The following B3GLCT variants were observed in gnomAD, a reference collection of about 807,000 sequenced individuals.
B3GLCT encodes beta 3-glucosyltransferase.
In B3GLCT, 65 loss-of-function variants were observed where a neutral mutation model predicts 63.4. The observed-to-expected ratio is 1.03, with a 90% CI of 0.84 to 1.26. The LOEUF is 1.26. Among genes scored for constraint, B3GLCT ranks in the 50% most tolerant of loss-of-function variants. B3GLCT has a pLI of 0.00. For missense variants in B3GLCT, 577 were observed against 604.8 expected, an observed-to-expected ratio of 0.95 and a Z score of 0.48; for synonymous variants, 233 against 219.2, an observed-to-expected ratio of 1.06 and a Z score of -0.55.
intron 4 of B3GLCT, among the ~76,000 whole-genome samples, chr13:31,245,191 T>C (rs1871141585): frequency 6.6e-6 from 1 of 152,180 alleles, no homozygotes; most frequent in Non-Finnish European, 1.5e-5. Flanking sequence ...CAGAAATTAT[T>C]AATAAGCTTG....
chr13:31,320,528 A>G (rs1475957039), intron 13 of B3GLCT, among the ~76,000 whole-genome samples: 1 of 152,144 alleles, frequency 6.6e-6, no homozygotes, highest in Non-Finnish European at 1.5e-5. Context: ...CCTCTCTTCA[A>G]TTTCATAATT....
At chr13:31,226,293 C>T (rs1870099226) in intron 3 of B3GLCT, among the ~76,000 whole-genome samples, 1 of 151,788 alleles carries the variant, frequency 6.6e-6, no homozygotes, top group Non-Finnish European at 1.5e-5. Context: ...ATCACAGAGC[C>T]CTACACTTAG....
chr13:31,316,505 C>T (rs1045476158), intron 12 of B3GLCT, among the ~76,000 whole-genome samples: 69 of 146,962 alleles, frequency 4.7e-4, no homozygotes, highest in African/African-American at 1.6e-3. Flanking sequence ...CTTGACTCAC[C>T]GCATTTGGAG....
At chr13:31,244,445 T>C (rs1402028093) in intron 4 of B3GLCT, among the ~76,000 whole-genome samples, 1 of 152,152 alleles carries the variant, frequency 6.6e-6, no homozygotes, top group Non-Finnish European at 1.5e-5. Context: ...TGAGCCGAGA[T>C]TGCGCCATTG....
intron 7 of B3GLCT, among the ~76,000 whole-genome samples, chr13:31,264,943 A>AT: frequency 6.6e-6 from 1 of 152,318 alleles, no homozygotes; most frequent in African/African-American, 2.4e-5. Context: ...TATCAATATC[A>AT]TTGAGGACCC....
chr13:31,225,506 A>C (rs1026318290), intron 3 of B3GLCT, among the ~76,000 whole-genome samples: 1 of 152,206 alleles, frequency 6.6e-6, no homozygotes, highest in Non-Finnish European at 1.5e-5. Flanking sequence ...TGTTTTCAGC[A>C]CCGAACTGTA....
intron 2 of B3GLCT, among the ~76,000 whole-genome samples, chr13:31,216,464 T>G (rs571139493): frequency 6.6e-6 from 1 of 152,222 alleles, no homozygotes; most frequent in African/African-American, 2.4e-5. Context: ...AACTTGTGTT[T>G]TAGGTCAAGG....
intron 6 of B3GLCT, among the ~76,000 whole-genome samples, chr13:31,256,003 A>G (rs1871719627): frequency 6.6e-6 from 1 of 152,228 alleles, no homozygotes; most frequent in Admixed American, 6.5e-5. Context: ...CAGACCAAAC[A>G]TGCAACCTAC....
chr13:31,210,814 A>C (rs938745049), intron 1 of B3GLCT, among the ~76,000 whole-genome samples: 1 of 152,108 alleles, frequency 6.6e-6, no homozygotes, highest in Non-Finnish European at 1.5e-5. Context: ...GCATGATCAT[A>C]GTTTACTGCA....
intron 8 of B3GLCT, among the ~76,000 whole-genome samples, chr13:31,271,751 T>G (rs537564243): frequency 6.6e-6 from 1 of 152,350 alleles, no homozygotes; most frequent in East Asian, 1.9e-4. Flanking sequence ...ATTTTACTTT[T>G]GTTTTGTCTG....
At chr13:31,291,122 T>C (rs189103960) in intron 12 of B3GLCT, among the ~76,000 whole-genome samples, 12 of 152,356 alleles carry the variant, frequency 7.9e-5, no homozygotes, top group African/African-American at 2.6e-4. Context: ...TTGCTTGTTT[T>C]CGTCAGGTTT....
At chr13:31,205,069 G>C (rs1051713392) in intron 1 of B3GLCT, among the ~76,000 whole-genome samples, 1 of 152,084 alleles carries the variant, frequency 6.6e-6, no homozygotes, top group Non-Finnish European at 1.5e-5. Flanking sequence ...AATTTTAGGG[G>C]GAGGTGAAGC....
chr13:31,283,592 A>G (rs1362654309), intron 10 of B3GLCT, among the ~76,000 whole-genome samples: 1 of 50,768 alleles, frequency 2.0e-5, no homozygotes, highest in Non-Finnish European at 4.5e-5. Context: ...GATGTGCAGA[A>G]CTCAGTTTTT....
intron 1 of B3GLCT, among the ~76,000 whole-genome samples, chr13:31,214,017 C>G (rs1869428695): frequency 6.6e-6 from 1 of 150,776 alleles, no homozygotes; most frequent in Non-Finnish European, 1.5e-5. Context: ...GGATTTGAGG[C>G]AATGGATGTC....
At chr13:31,238,812 AGCATCTATG>A (rs1362756036) in intron 4 of B3GLCT, among the ~76,000 whole-genome samples, 2 of 152,230 alleles carry the variant, frequency 1.3e-5, no homozygotes, top group African/African-American at 4.8e-5. Flanking sequence ...ATATTAATTG[AGCATCTATG>A]GTTATATTAG....
chr13:31,269,543 G>T (rs988414521), intron 8 of B3GLCT, among the ~76,000 whole-genome samples: 1 of 152,084 alleles, frequency 6.6e-6, no homozygotes, highest in Non-Finnish European at 1.5e-5. Flanking sequence ...TCCAGAGGTA[G>T]ATTTCTAAAA....
rs1260423800 is a variant in B3GLCT, at chr13:31,222,868, C to T, written c.121-84C>T. 8.8e-6 allele frequency: 8 copies of T among 906,986 alleles called. No homozygotes were observed. In the South Asian group the frequency reaches 1.1e-4, roughly 12 times the overall value. The allele number at this position is 906,986 out of a possible 1,614,324, so 56.2% of individuals were successfully genotyped here. ...CTTCCTCCCATGTGCTGATACATACCATGCACCATGCATGTTTACTCAGTG... is the reference window on the plus strand; with the variant it reads ...CTTCCTCCCATGTGCTGATACATACTATGCACCATGCATGTTTACTCAGTG... On this transcript the variant is annotated intron_variant, in intron 2 of 14. Coordinates refer to ENST00000343307, the MANE Select transcript of B3GLCT (RefSeq NM_194318.4).
Position 31,200,119 on chromosome 13 carries a change from CGCCGGCGCTGCTCGCGCT to C in B3GLCT, c.36_53del (p.Pro13_Leu18del), listed in dbSNP as rs749602953. 14 of 1,376,188 alleles carry C rather than the reference CGCCGGCGCTGCTCGCGCT, an allele frequency of 1.0e-5. No homozygotes were observed. The highest frequency in any genetic ancestry group is 1.4e-5 in the South Asian group (1 of 71,496). The allele number at this position is 1,376,188 out of a possible 1,614,324, so 85.2% of individuals were successfully genotyped here. A position where few individuals can be genotyped will look rare whatever the true frequency, so the allele number is the denominator to read the frequency against. On this transcript the variant is annotated inframe_deletion, in exon 1 of 15. Transcript: ENST00000343307. ...CCCGCCTGCTGGTGGCTGCTCGCGC[CGCCGGCGCTGCTCGCGCT>C]CCTCACCTGCTCCCTGGGTAAGTAG...
chr13:31,278,664 C>A (rs927385516), intron 10 of B3GLCT, among the ~76,000 whole-genome samples: 1 of 152,200 alleles, frequency 6.6e-6, no homozygotes, highest in Non-Finnish European at 1.5e-5. Flanking sequence ...CTTCATGTAG[C>A]CTGCCAAGCC....
Sources: allele counts gnomAD v4.1 joint callset (sites outside exome capture counted in the v4.1 genomes callset), GRCh38; gene constraint gnomAD v4.1.1; transcripts MANE v1.5; gene names NCBI Gene and HGNC (gene_info 2026-07-23, HGNC 2026-07-21).